The following AP1S2 variants were observed in gnomAD, a reference collection of about 807,000 sequenced individuals.
The protein encoded by AP1S2 is AP-1 complex subunit sigma-2.
Under a neutral mutation model 14.3 loss-of-function variants are expected in AP1S2, and 1 was observed. That is an observed-to-expected ratio of 0.07 (90% CI 0.02 to 0.33). AP1S2 has a LOEUF of 0.33. AP1S2 is among the 10% of genes least tolerant of loss of function. AP1S2 has a pLI of 0.99. For synonymous variants in AP1S2, 30 were observed against 40.5 expected, an observed-to-expected ratio of 0.74 and a Z score of 0.99; for missense variants, 30 against 117.7, an observed-to-expected ratio of 0.25 and a Z score of 3.45.
At chrX:15,841,221 A>AT (rs1201647662) in intron 4 of AP1S2, among the ~76,000 whole-genome samples, 3 of 110,937 alleles carry the variant, frequency 2.7e-5, no homozygotes, top group African/African-American at 6.5e-5. Context: ...GGTAAGAGAA[A>AT]TTTTTTTTTA....
chrX:15,851,190 C>G (rs2040722), intron 2 of AP1S2, among the ~76,000 whole-genome samples: 8 of 111,110 alleles, frequency 7.2e-5, no homozygotes, highest in Admixed American at 9.6e-5. Context: ...AATGATATGA[C>G]TTTTCTATAA....
At position 15,845,364 on chromosome X, in the gene AP1S2, G is replaced by A. The variant is rs1288237854; in HGVS notation, c.426+15C>T. ...AAAACATGCTAGTGCCTAGTGAAGA[G>A]AATAAGTAGCTTACCTCCTGCAGTA... is the stretch of plus-strand genomic sequence containing the variant. On this transcript the variant is annotated intron_variant, in intron 4 of 5. Transcript: ENST00000672987. The A allele has an allele frequency of 8.3e-7, 1 of 1,207,566 alleles. No homozygotes were observed. The highest frequency in any genetic ancestry group is 1.8e-5 in the African/African-American group (1 of 57,034).
At chrX:15,832,360 T>C (rs1337309979) in intron 4 of AP1S2, 38 of 732,263 alleles carry the variant, frequency 5.2e-5, no homozygotes, top group Middle Eastern at 7.7e-4. Context: ...AGTTGAAACT[T>C]TGAAATGTTG....
At chrX:15,844,097 C>G (rs1204937815) in intron 4 of AP1S2, among the ~76,000 whole-genome samples, 2 of 112,257 alleles carry the variant, frequency 1.8e-5, no homozygotes, top group Admixed American at 1.9e-4. Context: ...TGCATTGTCT[C>G]ACATTTAGTA....
intron 1 of AP1S2, among the ~76,000 whole-genome samples, chrX:15,854,367 G>A (rs1227639652): frequency 8.9e-6 from 1 of 112,348 alleles, no homozygotes; most frequent in Non-Finnish European, 1.9e-5. Context: ...CCGCGCAGGG[G>A]GCGCCAAGAG....
At chrX:15,847,655 TTTTG>T (rs1401301319) in intron 2 of AP1S2, among the ~76,000 whole-genome samples, 1 of 112,138 alleles carries the variant, frequency 8.9e-6, no homozygotes, top group Non-Finnish European at 1.9e-5. Flanking sequence ...TCGTTACTGT[TTTTG>T]TTTGTCTATT....
intron 1 of AP1S2, among the ~76,000 whole-genome samples, chrX:15,853,220 G>A (rs746664533): frequency 3.1e-4 from 35 of 112,192 alleles, no homozygotes; most frequent in Non-Finnish European, 6.2e-4. Context: ...GCCACAATAA[G>A]ATTTACACTT....
rs1289673809 is a variant in AP1S2, at chrX:15,834,648, GTA to G, written c.427-6450_427-6449del. Among the ~76,000 whole-genome samples the G allele has an allele frequency of 3.6e-5, 3 of 84,293 alleles. 1 individual carries two copies. The highest frequency in any genetic ancestry group is 2.7e-4 in the Admixed American group (2 of 7,402). 73.2% of individuals were successfully genotyped at this position (84,293 alleles called of 115,157 possible). On this transcript the variant is annotated intron_variant, in intron 4 of 5. Coordinates refer to ENST00000672987, the MANE Select transcript of AP1S2 (RefSeq NM_001272071.2). ...CCACCACTGTGCCCGGCTAATTTTT[GTA>G]TTTTTTTTTTTTTTTTAGTAGAGAT... is the stretch of plus-strand genomic sequence containing the variant.
intron 4 of AP1S2, among the ~76,000 whole-genome samples, chrX:15,834,762 T>C (rs1046979466): frequency 5.0e-4 from 52 of 104,753 alleles, no homozygotes; most frequent in Admixed American, 1.6e-3. Flanking sequence ...TGGGATTACA[T>C]AGTGAACCAC....
chrX:15,828,130 G>T, intron 5 of AP1S2, 62 bp downstream of exon 5: 1 of 900,623 alleles, frequency 1.1e-6, no homozygotes. Flanking sequence ...TAATTAAAAG[G>T]CAACACTATA....
chrX:15,828,114 A>G, intron 5 of AP1S2, 78 bp downstream of exon 5: 1 of 835,864 alleles, frequency 1.2e-6, no homozygotes, highest in Non-Finnish European at 1.6e-6. Flanking sequence ...CTAGCAACGA[A>G]TTTTGTAATT....
chrX:15,834,480 A>ATATATATATATATATATATAT (rs1483118039), intron 4 of AP1S2, among the ~76,000 whole-genome samples: 15 of 20,358 alleles, frequency 7.4e-4, no homozygotes, highest in African/African-American at 1.1e-3. Flanking sequence ...ATATATATAT[A>ATATATATATATATATATATAT]ATTTTTTTTT....
chrX:15,831,064 C>A (rs1490477463), intron 4 of AP1S2: 1 of 728,874 alleles, frequency 1.4e-6, no homozygotes, highest in African/African-American at 2.3e-5. Context: ...AAGATAATCA[C>A]ACAAAATAGT....
chrX:15,834,377 T>A (rs1307374947), intron 4 of AP1S2, among the ~76,000 whole-genome samples: 1 of 90,018 alleles, frequency 1.1e-5, no homozygotes, highest in Non-Finnish European at 2.2e-5. Flanking sequence ...ACATAACCAA[T>A]GAGAAAGACT....
intron 4 of AP1S2, among the ~76,000 whole-genome samples, chrX:15,837,562 C>T (rs1182329349): frequency 2.8e-5 from 3 of 108,248 alleles, no homozygotes; most frequent in Non-Finnish European, 5.7e-5. Flanking sequence ...TCCCCAGTAA[C>T]TGGTCATTAT....
At chrX:15,849,436 C>T (rs1470166068) in intron 2 of AP1S2, among the ~76,000 whole-genome samples, 2 of 112,319 alleles carry the variant, frequency 1.8e-5, no homozygotes, top group Admixed American at 9.4e-5. Flanking sequence ...AAAATATGTC[C>T]GTAAGTGGTA....
At position 15,848,529 on chromosome X, in the gene AP1S2, A is replaced by C. The variant is rs1022013645; in HGVS notation, c.180-2518T>G. Among the ~76,000 whole-genome samples, 5 of 112,214 alleles carry C rather than the reference A, an allele frequency of 4.5e-5. No homozygotes were observed. The Admixed American group carries it at 4.7e-4, about 11-fold the overall frequency. ...CAATATTTTAAGAGCTTTGAAGAGA[A>C]GTAAAATATGCCATACTGATTTAGT... On this transcript the variant is annotated intron_variant, in intron 2 of 5. Transcript: ENST00000672987.
intron 4 of AP1S2, among the ~76,000 whole-genome samples, chrX:15,833,850 A>G (rs1252339878): frequency 9.0e-6 from 1 of 111,704 alleles, no homozygotes; most frequent in African/African-American, 3.3e-5. Context: ...ATAGCACACA[A>G]GGGACCCTGT....
chrX:15,833,447 C>T, intron 4 of AP1S2: 1 of 887,908 alleles, frequency 1.1e-6, no homozygotes. Flanking sequence ...AAATTACCAT[C>T]TATTAAATGT....
Sources: allele counts gnomAD v4.1 joint callset (sites outside exome capture counted in the v4.1 genomes callset), GRCh38; gene constraint gnomAD v4.1.1; transcripts MANE v1.5; gene names NCBI Gene and HGNC (gene_info 2026-07-23, HGNC 2026-07-21).